STK32A: variants seen among roughly 807,000 people sequenced by gnomAD.
STK32A encodes serine/threonine kinase 32A, also known as serine/threonine-protein kinase 32A.
In STK32A, 41 loss-of-function variants were observed where a neutral mutation model predicts 53.2. The ratio of observed to expected loss-of-function variants is 0.77; its 90% confidence interval spans 0.60 to 1.00. The LOEUF is 1.00. STK32A is among the 50% of genes least tolerant of loss of function. The pLI is 0.00. For synonymous variants in STK32A, 166 were observed against 162.8 expected (o/e 1.02, Z -0.15); for missense variants, 458 against 485.8 (o/e 0.94, Z 0.54).
chr5:147,294,660 A>C (rs1752778363), intron 4 of STK32A, among the ~76,000 whole-genome samples: 1 of 151,080 alleles, frequency 6.6e-6, no homozygotes. Flanking sequence ...TGTCTCTCTT[A>C]TATCTAGTCA....
At chr5:147,268,494 G>T (rs1355169889) in intron 2 of STK32A, among the ~76,000 whole-genome samples, 1 of 152,156 alleles carries the variant, frequency 6.6e-6, no homozygotes, top group Non-Finnish European at 1.5e-5. Flanking sequence ...GGATATTGGG[G>T]ATGCCTGCAG....
chr5:147,344,879 C>T (rs981720420), intron 6 of STK32A, among the ~76,000 whole-genome samples: 6 of 152,228 alleles, frequency 3.9e-5, no homozygotes, highest in Admixed American at 1.3e-4. Context: ...ATCCTCCCTT[C>T]AGAGAACAGT....
chr5:147,241,691 A>G (rs1753590112), intron 2 of STK32A, among the ~76,000 whole-genome samples: 1 of 152,180 alleles, frequency 6.6e-6, no homozygotes, highest in Non-Finnish European at 1.5e-5. Flanking sequence ...AACTTATCAA[A>G]TAGTAAAAGC....
rs375663498 is a variant in STK32A at position 147,341,650 on chromosome 5, AT to A, written c.435-1345del. On this transcript the variant is annotated intron_variant, in intron 5 of 12. Transcript: ENST00000397936. ...GTACACACCACTGTGCCTGGCAAGA[AT>A]TTTTTTTTTTAGGATGTTATAAGGC... is the stretch of plus-strand genomic sequence containing the variant. 2.3e-3 allele frequency among the ~76,000 whole-genome samples: 347 copies of A among 148,134 alleles called. 1 individual carries two copies. The highest frequency in any genetic ancestry group is 5.4e-3 in the African/African-American group (217 of 40,528).
intron 2 of STK32A, among the ~76,000 whole-genome samples, chr5:147,274,323 G>A (rs1755163587): frequency 6.6e-6 from 1 of 152,138 alleles, no homozygotes; most frequent in Admixed American, 6.5e-5. Context: ...ACCAGGCTCT[G>A]CCTTTGCCCA....
chr5:147,378,329 G>T (rs895955598), intron 11 of STK32A, among the ~76,000 whole-genome samples: 1 of 152,066 alleles, frequency 6.6e-6, no homozygotes, highest in African/African-American at 2.4e-5. Context: ...GCATTTCAAG[G>T]CTGGCACATC....
rs749568069 is a variant in STK32A, at chr5:147,278,150, C to A, written c.79C>A (p.Arg27=). The A allele has an allele frequency of 1.3e-6, 2 of 1,597,496 alleles. No homozygotes were observed. The highest frequency in any genetic ancestry group is 1.7e-5 in the Admixed American group (1 of 57,690). The change falls in exon 3 of 13, where the codon CGA becomes AGA. Residue 27 remains arginine, a synonymous_variant. Transcript: ENST00000397936. ...CAACTTTGACCACTTTGAAATTTTG[C>A]GAGCCATTGGGAAAGGCAGTTTTGG... ...DVNFDHFEIL[R]AIGKGSFGKV...
chr5:147,399,683 C>T, the STK32A span, among the ~76,000 whole-genome samples: 1 of 152,112 alleles, frequency 6.6e-6, no homozygotes, highest in African/African-American at 2.4e-5. Context: ...AATGGGTTCC[C>T]TGGGTTGTGG....
At chr5:147,296,725 T>G (rs998258944) in intron 4 of STK32A, among the ~76,000 whole-genome samples, 1 of 152,050 alleles carries the variant, frequency 6.6e-6, no homozygotes, top group African/African-American at 2.4e-5. Flanking sequence ...CAAATATTAT[T>G]TGAGAGAGAC....
chr5:147,348,078 T>C (rs558182971), intron 6 of STK32A, among the ~76,000 whole-genome samples: 1 of 152,366 alleles, frequency 6.6e-6, no homozygotes, highest in East Asian at 1.9e-4. Context: ...GGTAGATTCA[T>C]AGTCTGACAA....
chr5:147,371,864 T>G (rs1284387001), intron 9 of STK32A, among the ~76,000 whole-genome samples: 2 of 152,154 alleles, frequency 1.3e-5, no homozygotes, highest in Non-Finnish European at 2.9e-5. Context: ...CAAAAATAAC[T>G]GACCCTTCTA....
In STK32A at chr5:147,384,231, T is replaced by G. The variant is rs1757564539; in HGVS notation, c.*248T>G. 7.4e-7 allele frequency: 1 copy of G among 1,359,858 alleles called. No individual in the cohort carries two copies. Among genetic ancestry groups the G allele is most frequent in the African/African-American group, 1.5e-5 (1 of 66,968 alleles). 84.2% of individuals were successfully genotyped at this position (1,359,858 alleles called of 1,614,324 possible). The stretch of plus-strand genomic sequence containing the variant: ...TAGCCACTTTCTGTGCTTTACTTTA[T>G]TTATCTAAAATGAGAGGGTTATACT... On this transcript the variant is annotated 3_prime_UTR_variant, in exon 13 of 13. Coordinates refer to ENST00000397936, the MANE Select transcript of STK32A (RefSeq NM_001112724.2).
intron 2 of STK32A, among the ~76,000 whole-genome samples, chr5:147,247,652 C>T (rs1428171648): frequency 6.6e-6 from 1 of 152,188 alleles, no homozygotes; most frequent in South Asian, 2.1e-4. Flanking sequence ...CAGTCTCTGT[C>T]ACAACTACTC....
At chr5:147,260,180 CTCTCTCTCT>C (rs1473031001) in intron 2 of STK32A, among the ~76,000 whole-genome samples, 1 of 11,456 alleles carries the variant, frequency 8.7e-5, no homozygotes, top group South Asian at 1.6e-3. Context: ...TCTCTCTCTC[CTCTCTCTCT>C]CCTCTCTCTC....
At chr5:147,373,384 C>T (rs768832375) in intron 10 of STK32A, 90 bp downstream of exon 10, 7 of 1,523,738 alleles carry the variant, frequency 4.6e-6, no homozygotes, top group South Asian at 3.5e-5. Flanking sequence ...TAGATAATCA[C>T]ACCAGTGTTG....
chr5:147,344,503 T>A (rs1200070318), intron 6 of STK32A, among the ~76,000 whole-genome samples: 1 of 152,172 alleles, frequency 6.6e-6, no homozygotes, highest in African/African-American at 2.4e-5. Flanking sequence ...CTAGGTACAG[T>A]GGCAGGCACC....
At chr5:147,322,333 G>A (rs12054990) in intron 4 of STK32A, among the ~76,000 whole-genome samples, 21,929 of 152,246 alleles carry the variant, frequency 0.14, 1,754 homozygotes, top group South Asian at 0.18. Flanking sequence ...TCAGTCTTCA[G>A]TGATAAACAA....
chr5:147,344,655 G>A (rs1755598179), intron 6 of STK32A, among the ~76,000 whole-genome samples: 1 of 152,194 alleles, frequency 6.6e-6, no homozygotes, highest in African/African-American at 2.4e-5. Context: ...AGCCTATAGA[G>A]GCCACCTTTG....
At chr5:147,279,506 T>A in intron 4 of STK32A, 108 bp downstream of exon 4, 1 of 918,504 alleles carries the variant, frequency 1.1e-6, no homozygotes, top group Non-Finnish European at 1.6e-6. Flanking sequence ...ATCCAGGCTC[T>A]TGACACAATT....
Sources: gnomAD v4.1 joint callset for allele counts (sites outside exome capture counted in the v4.1 genomes callset) on GRCh38, gnomAD v4.1.1 for gene constraint, MANE v1.5 for transcripts, NCBI Gene and HGNC (gene_info 2026-07-23, HGNC 2026-07-21) for gene names.